The following APP variants were observed in gnomAD, a reference collection of about 807,000 sequenced individuals.
The protein encoded by APP is amyloid-beta precursor protein.
Under a neutral mutation model 101.4 loss-of-function variants are expected in APP, and 31 were observed. The ratio of observed to expected loss-of-function variants is 0.31; its 90% CI spans 0.23 to 0.41. The LOEUF is 0.41. Ranked by LOEUF, APP falls within the 10% of genes least tolerant of loss-of-function variation. The probability of loss-of-function intolerance (pLI) is 1.00; values close to 1 mark genes in which losing one functional copy is unlikely to be tolerated. For synonymous variants in APP, 366 were observed against 364.4 expected, an observed-to-expected ratio of 1.00 and a Z score of -0.05; for missense variants, 839 against 1,003.7, an observed-to-expected ratio of 0.84 and a Z score of 2.22.
At chr21:26,133,687 G>T (rs571711896) in intron 1 of APP, among the ~76,000 whole-genome samples, 1 of 152,018 alleles carries the variant, frequency 6.6e-6, no homozygotes, top group African/African-American at 2.4e-5. Context: ...CAGGAGAATC[G>T]CTTGAACCTG....
chr21:26,076,754 G>T (rs2061503570), intron 3 of APP, among the ~76,000 whole-genome samples: 1 of 152,138 alleles, frequency 6.6e-6, no homozygotes, highest in African/African-American at 2.4e-5. Flanking sequence ...AACTTGACTT[G>T]CAACTTCTAA....
intron 3 of APP, among the ~76,000 whole-genome samples, chr21:26,063,214 G>T (rs973546865): frequency 6.6e-6 from 1 of 152,176 alleles, no homozygotes; most frequent in African/African-American, 2.4e-5. Context: ...ACATCCGGAT[G>T]AACTTGTATT....
chr21:26,090,997 T>G (rs546429361), intron 2 of APP, among the ~76,000 whole-genome samples: 1 of 152,304 alleles, frequency 6.6e-6, no homozygotes, highest in Non-Finnish European at 1.5e-5. Context: ...CTTGATCAAT[T>G]AAATCACATT....
chr21:26,053,477 A>T (rs1195143340), intron 3 of APP, 129 bp from the exon 4 acceptor site: 2 of 707,500 alleles, frequency 2.8e-6, no homozygotes, highest in Non-Finnish European at 5.2e-6. Context: ...AACCCAATCA[A>T]GACCCTACTA....
chr21:26,025,874 T>C (rs1427833143), intron 5 of APP, among the ~76,000 whole-genome samples: 1 of 152,264 alleles, frequency 6.6e-6, no homozygotes, highest in Non-Finnish European at 1.5e-5. Context: ...AATTATTCAT[T>C]TGGACACTAT....
intron 1 of APP, among the ~76,000 whole-genome samples, chr21:26,118,754 AT>A (rs2062494084): frequency 6.6e-6 from 1 of 151,942 alleles, no homozygotes; most frequent in Non-Finnish European, 1.5e-5. Context: ...GGTTTTTGCC[AT>A]GTTGCCACTC....
At chr21:26,063,168 A>G (rs1601364663) in intron 3 of APP, among the ~76,000 whole-genome samples, 1 of 152,220 alleles carries the variant, frequency 6.6e-6, no homozygotes, top group African/African-American at 2.4e-5. Context: ...AGGAGGAGAG[A>G]TATAGTGTCC....
At chr21:25,904,882 A>G in intron 15 of APP, 142 bp downstream of exon 15, 1 of 743,772 alleles carries the variant, frequency 1.3e-6, no homozygotes. Flanking sequence ...GGGAATTTTT[A>G]AAAGTTTGGT....
chr21:25,955,092 C>A (rs2041258151), intron 12 of APP, among the ~76,000 whole-genome samples: 1 of 151,966 alleles, frequency 6.6e-6, no homozygotes, highest in Admixed American at 6.6e-5. Flanking sequence ...TGCAAATTTC[C>A]CCCTAGAAAA....
chr21:25,905,757 T>G (rs1309673680), intron 14 of APP, among the ~76,000 whole-genome samples: 1 of 152,190 alleles, frequency 6.6e-6, no homozygotes, highest in Non-Finnish European at 1.5e-5. Context: ...AATTTTCCCT[T>G]TTTATGTGTT....
Position 26,051,060 on chromosome 21 carries a change from G to GCAT in APP, c.599_601dup (p.Asp200dup), listed in dbSNP as rs2045818141. 6.2e-7 allele frequency: 1 copy of GCAT among 1,613,946 alleles called. No individual in the cohort carries two copies. The highest frequency in any genetic ancestry group is 8.5e-7 in the Non-Finnish European group (1 of 1,180,020). ...CCAGACATCCGAGTCATCCTCCTCC[G>GCAT]CATCAGCAGAATCCACATTGTCACT... On this transcript the variant is annotated inframe_insertion, in exon 5 of 18. Coordinates refer to ENST00000346798, the MANE Select transcript of APP (RefSeq NM_000484.4).
At chr21:25,894,364 G>A (rs763156767) in intron 16 of APP, among the ~76,000 whole-genome samples, 5 of 152,166 alleles carry the variant, frequency 3.3e-5, no homozygotes, top group East Asian at 1.9e-4. Flanking sequence ...CATAGATAGC[G>A]ATTCCTCTAA....
intron 12 of APP, among the ~76,000 whole-genome samples, chr21:25,955,369 A>C (rs2041268693): frequency 6.6e-6 from 1 of 152,158 alleles, no homozygotes; most frequent in Non-Finnish European, 1.5e-5. Flanking sequence ...CATTTTAGTC[A>C]TTGGTTTTAA....
chr21:26,098,415 A>T (rs994877681), intron 2 of APP, among the ~76,000 whole-genome samples: 20 of 152,104 alleles, frequency 1.3e-4, no homozygotes, highest in Non-Finnish European at 2.2e-4. Flanking sequence ...GACATTGATG[A>T]TATTTAAGAA....
chr21:26,012,731 T>C (rs2043865152), intron 6 of APP, among the ~76,000 whole-genome samples: 2 of 152,206 alleles, frequency 1.3e-5, no homozygotes. Context: ...CCCAGCACTT[T>C]GGGAGGCCAA....
At chr21:25,885,916 C>T (rs2037291831) in intron 17 of APP, among the ~76,000 whole-genome samples, 1 of 152,042 alleles carries the variant, frequency 6.6e-6, no homozygotes, top group Non-Finnish European at 1.5e-5. Context: ...TCTAGGTCTC[C>T]TCCTATTGCC....
chr21:26,169,962 G>A (rs1331968658), intron 1 of APP, among the ~76,000 whole-genome samples: 1 of 152,164 alleles, frequency 6.6e-6, no homozygotes, highest in East Asian at 1.9e-4. Flanking sequence ...GGCTAGGGTC[G>A]CACCCAGGCT....
intron 8 of APP, among the ~76,000 whole-genome samples, chr21:25,986,089 G>C (rs1380107692): frequency 6.6e-6 from 1 of 152,156 alleles, no homozygotes; most frequent in Non-Finnish European, 1.5e-5. Flanking sequence ...TCATAGGACT[G>C]ACTACCATTT....
At chr21:25,954,814 CA>C in intron 12 of APP, 125 bp from the exon 13 acceptor site, 2 of 786,822 alleles carry the variant, frequency 2.5e-6, no homozygotes, top group South Asian at 3.1e-5. Context: ...TTTTTCTTAC[CA>C]AGCACTGCAG....
Sources: gnomAD v4.1 joint callset for allele counts (sites outside exome capture counted in the v4.1 genomes callset) on GRCh38, gnomAD v4.1.1 for gene constraint, MANE v1.5 for transcripts, NCBI Gene and HGNC (gene_info 2026-07-23, HGNC 2026-07-21) for gene names.